RIMBP2: variants seen among roughly 807,000 people sequenced by gnomAD.
RIMBP2 encodes the protein RIMS binding protein 2.
A neutral mutation model predicts 118.6 loss-of-function variants in RIMBP2; 48 were observed. The ratio of observed to expected loss-of-function variants is 0.40; its 90% CI spans 0.32 to 0.51. The LOEUF (loss-of-function observed/expected upper bound fraction) is 0.51, where lower values mean the gene tolerates loss of function less well. Among genes scored for constraint, RIMBP2 ranks in the 20% least tolerant of loss-of-function variants. The pLI, the probability that RIMBP2 is intolerant of heterozygous loss-of-function variation, is 0.41. For synonymous variants in RIMBP2, 762 were observed against 742.9 expected, an observed-to-expected ratio of 1.03 and a Z score of -0.42; for missense variants, 1,551 against 1,768.3, an observed-to-expected ratio of 0.88 and a Z score of 2.20.
At chr12:130,456,452 A>T in intron 7 of RIMBP2, 44 bp downstream of exon 7, 1 of 1,510,792 alleles carries the variant, frequency 6.6e-7, no homozygotes, top group East Asian at 2.3e-5. Flanking sequence ...GCCAACGGCC[A>T]TTCTCTCCCC....
At chr12:130,408,841 C>T (rs139964239) in intron 19 of RIMBP2, among the ~76,000 whole-genome samples, 26 of 152,314 alleles carry the variant, frequency 1.7e-4, no homozygotes, top group African/African-American at 2.9e-4. Context: ...CTAAAGTCAG[C>T]GATGTGGCTT....
intron 2 of RIMBP2, among the ~76,000 whole-genome samples, chr12:130,604,873 C>T (rs556542410): frequency 1.0e-3 from 151 of 151,446 alleles, no homozygotes; most frequent in Middle Eastern, 6.8e-3. Flanking sequence ...TGAGCCACCG[C>T]GCCCGGCCTC....
chr12:130,404,662 G>C lies in RIMBP2; in HGVS notation c.3765+1510C>G, dbSNP rs140769361. Among the ~76,000 whole-genome samples the C allele has an allele frequency of 3.4e-3, 512 of 152,298 alleles. 7 individuals are homozygous for C. Among genetic ancestry groups the C allele is most frequent in the African/African-American group, 0.012 (497 of 41,570 alleles). On this transcript the variant is annotated intron_variant, in intron 21 of 22. Transcript: ENST00000690449. ...ATAAATCTATGAATCTTTTCTGACA[G>C]ATGAAAGGAAAAACTTTTTAAGAGG...
intron 2 of RIMBP2, among the ~76,000 whole-genome samples, chr12:130,563,039 G>A (rs1316596901): frequency 1.3e-5 from 2 of 152,156 alleles, no homozygotes; most frequent in Non-Finnish European, 2.9e-5. Flanking sequence ...TTCTAACTGA[G>A]GACTAAACCA....
At chr12:130,615,276 C>CATATATATATATAT (rs202186208) in intron 2 of RIMBP2, among the ~76,000 whole-genome samples, 2,880 of 99,956 alleles carry the variant, frequency 0.029, 119 homozygotes, top group South Asian at 0.074. Flanking sequence ...AATACACATA[C>CATATATATATATAT]ATATATATAT....
At chr12:130,695,317 C>A (rs4759756) in intron 1 of RIMBP2, among the ~76,000 whole-genome samples, 1 of 152,004 alleles carries the variant, frequency 6.6e-6, no homozygotes. Context: ...GCCTCAGTCT[C>A]CCATCTCACC....
At chr12:130,466,960 A>C (rs937989600) in intron 6 of RIMBP2, among the ~76,000 whole-genome samples, 1 of 152,202 alleles carries the variant, frequency 6.6e-6, no homozygotes, top group African/African-American at 2.4e-5. Flanking sequence ...CTCATCAGAG[A>C]CTCAAAAGAA....
At position 130,665,601 on chromosome 12, in the gene RIMBP2, G is replaced by A. The variant is rs112877894; in HGVS notation, c.-351-37145C>T. Among the ~76,000 whole-genome samples the A allele has an allele frequency of 2.8e-3, 424 of 151,730 alleles. 12 individuals carry two copies. The highest frequency in any genetic ancestry group is 0.01 in the Middle Eastern group (3 of 294). On this transcript the variant is annotated intron_variant, in intron 1 of 22. Coordinates refer to ENST00000690449, the MANE Select transcript of RIMBP2 (RefSeq NM_001393629.1). ...TGAGGAAACATCAGACAAACCCTCC[G>A]TGAGGAACCTTCTGTAAAACTACTG...
intron 4 of RIMBP2, among the ~76,000 whole-genome samples, chr12:130,484,689 T>C (rs12297063): frequency 0.058 from 8,869 of 152,280 alleles, 547 homozygotes; most frequent in East Asian, 0.18. Flanking sequence ...TCCAGCCACA[T>C]GGGCCTCCTC....
rs1593289388 is a variant in RIMBP2 at position 130,437,094 on chromosome 12, T to C, written c.1854A>G (p.Pro618=). The change falls in exon 13 of 23, where the codon CCA becomes CCG. Residue 618 remains proline (P), a synonymous_variant. Transcript: ENST00000690449. Reference sequence around the variant, plus strand: ...TTTCGGGGACTCCAGAACTTGCTAATGGCTTTGATTGGGGTGCAGGTCTCG... The same window carrying C: ...TTTCGGGGACTCCAGAACTTGCTAACGGCTTTGATTGGGGTGCAGGTCTCG... ...PHPRPAPQSK[P]LASSGVPETK... 6.3e-7 allele frequency: 1 copy of C among 1,575,496 alleles called. No individual in the cohort carries two copies.
At chr12:130,402,012 G>C (rs933011550) in intron 21 of RIMBP2, among the ~76,000 whole-genome samples, 2 of 152,224 alleles carry the variant, frequency 1.3e-5, no homozygotes, top group African/African-American at 4.8e-5. Flanking sequence ...TGAGTAGAAT[G>C]TGGGTGGAAC....
At chr12:130,698,779 C>A (rs2065694580) in intron 1 of RIMBP2, among the ~76,000 whole-genome samples, 1 of 152,148 alleles carries the variant, frequency 6.6e-6, no homozygotes, top group South Asian at 2.1e-4. Context: ...AAACTACCAT[C>A]AGAGTGAACA....
chr12:130,645,708 C>T (rs1392118904), intron 1 of RIMBP2, among the ~76,000 whole-genome samples: 2 of 152,224 alleles, frequency 1.3e-5, no homozygotes, highest in East Asian at 1.9e-4. Context: ...TCGCTGATGA[C>T]ATTAAGTCTC....
chr12:130,567,519 G>C lies in RIMBP2; in HGVS notation c.-216-49602C>G, dbSNP rs1016427431. On this transcript the variant is annotated intron_variant, in intron 2 of 22. Transcript: ENST00000690449. Reference sequence around the variant, plus strand: ...CCCCACTCTGCCTGAAGGGACACTAGAGGGAGACAGAACGGGGGAGAGGGA... The same window carrying C: ...CCCCACTCTGCCTGAAGGGACACTACAGGGAGACAGAACGGGGGAGAGGGA... Among the ~76,000 whole-genome samples the C allele has an allele frequency of 3.3e-5, 5 of 152,200 alleles. No homozygotes were observed. The East Asian group carries it at 5.8e-4, about 18-fold the overall frequency.
chr12:130,524,422 T>C (rs1048891974), intron 2 of RIMBP2, among the ~76,000 whole-genome samples: 13 of 151,932 alleles, frequency 8.6e-5, no homozygotes, highest in Non-Finnish European at 1.9e-4. Flanking sequence ...ATACACCTCA[T>C]GAGTGACCAG....
At chr12:130,678,548 C>T (rs924224983) in intron 1 of RIMBP2, among the ~76,000 whole-genome samples, 20 of 152,082 alleles carry the variant, frequency 1.3e-4, no homozygotes, top group African/African-American at 4.6e-4. Context: ...GACAGAGTCT[C>T]ACTCTGTTGC....
At position 130,414,299 on chromosome 12, in the gene RIMBP2, G is replaced by A. The variant is rs117753238; in HGVS notation, c.3246C>T (p.Tyr1082=). 3.0e-3 allele frequency: 4,774 copies of A among 1,584,310 alleles called. 14 individuals are homozygous for A. Among genetic ancestry groups the A allele is most frequent in the Non-Finnish European group, 3.6e-3 (4,205 of 1,163,340 alleles). Residue 1082 remains tyrosine (Y), a synonymous_variant, in exon 18 of 23, where the codon TAC becomes TAT. Coordinates refer to ENST00000690449, the MANE Select transcript of RIMBP2 (RefSeq NM_001393629.1). ...RPVTVPSIDD[Y]GRDRLSPDFY... ...AGTCTGGAGAAAGGCGGTCTCGCCC[G>A]TAATCGTCTGCGAGCAAGTGGGGGT...
intron 2 of RIMBP2, among the ~76,000 whole-genome samples, chr12:130,610,528 G>A (rs2060460769): frequency 7.0e-6 from 1 of 143,308 alleles, no homozygotes; most frequent in African/African-American, 2.6e-5. Flanking sequence ...AACATTTTGT[G>A]ACTCATCAAA....
chr12:130,424,414 C>G lies in RIMBP2; in HGVS notation c.2857G>C (p.Gly953Arg). 1 of 1,232,844 alleles carries G rather than the reference C, an allele frequency of 8.1e-7. No individual in the cohort carries two copies. Among genetic ancestry groups the G allele is most frequent in the South Asian group, 4.1e-5 (1 of 24,336 alleles). 76.4% of individuals were successfully genotyped at this position (1,232,844 alleles called of 1,614,324 possible). The change falls in exon 16 of 23, where the codon GGC (glycine) becomes CGC (arginine). Residue 953 changes from glycine (G) to arginine (R), a missense_variant. Gly to Arg is a moderately radical substitution (Grantham distance 125, BLOSUM62 -2). This residue lies in a region of RIMBP2 where 1,038 missense variants were observed against 1,125.1 expected (regional missense o/e 0.92). Transcript: ENST00000690449. This position sits in a 1 kb window ranked among gnomAD's most constrained non-coding sequence, Gnocchi z 9.8. ...CGCCGGGCCAGCAGCGGCCTCGGGC[C>G]CCTCCTGCAGGGACAGTGACCAGGG... ...PGPGHCPCRR[G>R]PRPLLARRRT... is the part of the protein sequence containing the mutation.
Sources: gnomAD v4.1 joint callset for allele counts (sites outside exome capture counted in the v4.1 genomes callset) on GRCh38, gnomAD v4.1.1 for gene constraint, gnomAD v4.1.1 regional missense constraint, Gnocchi (gnomAD v3.1) non-coding constraint, MANE v1.5 for transcripts, NCBI Gene and HGNC (gene_info 2026-07-23, HGNC 2026-07-21) for gene names.